The following THADA variants were observed in gnomAD, a reference collection of about 807,000 sequenced individuals.
The protein encoded by THADA is THADA armadillo repeat containing.
THADA carries 213 observed loss-of-function variants against 219.8 expected under a neutral mutation model. That is an observed-to-expected ratio of 0.97 (90% CI 0.87 to 1.09). The LOEUF (loss-of-function observed/expected upper bound fraction) is 1.09, where lower values mean the gene tolerates loss of function less well. Among genes scored for constraint, THADA ranks in the 50% least tolerant of loss-of-function variants. THADA has a pLI of 0.00. For synonymous variants in THADA, 1,018 were observed against 828.9 expected, an observed-to-expected ratio of 1.23 and a Z score of -3.92; for missense variants, 2,956 against 2,311.3, an observed-to-expected ratio of 1.28 and a Z score of -5.72.
chr2:43,426,746 C>T (rs1452131123), intron 28 of THADA, among the ~76,000 whole-genome samples: 1 of 152,124 alleles, frequency 6.6e-6, no homozygotes, highest in Non-Finnish European at 1.5e-5. Context: ...GGAAGTGAAA[C>T]CTAGGACACT....
At chr2:43,495,926 T>G (rs1688222700) in intron 25 of THADA, among the ~76,000 whole-genome samples, 1 of 152,206 alleles carries the variant, frequency 6.6e-6, no homozygotes, top group Admixed American at 6.5e-5. Context: ...GCAATGCTCT[T>G]AGACAGAATT....
chr2:43,582,374 G>A (rs79732325), intron 7 of THADA, among the ~76,000 whole-genome samples: 28,908 of 151,276 alleles, frequency 0.19, 2,862 homozygotes, highest in Middle Eastern at 0.25. Context: ...GCACATGCCC[G>A]TAATCCCAGC....
chr2:43,454,652 T>C (rs1311947174), intron 26 of THADA, among the ~76,000 whole-genome samples: 2 of 152,054 alleles, frequency 1.3e-5, no homozygotes, highest in African/African-American at 4.8e-5. Context: ...TACATGGTTA[T>C]GTTAAACAAT....
intron 17 of THADA, among the ~76,000 whole-genome samples, chr2:43,553,846 G>C (rs933537148): frequency 6.6e-6 from 1 of 152,148 alleles, no homozygotes; most frequent in East Asian, 1.9e-4. Context: ...CTGTGATTTT[G>C]ATTTGCATTT....
chr2:43,486,639 T>TA (rs1273411188), intron 25 of THADA: 1 of 152,278 alleles, frequency 6.6e-6, no homozygotes, highest in South Asian at 2.1e-4. Context: ...GCAATGCCCT[T>TA]AGAGTCACAA....
At chr2:43,507,007 T>C (rs1036876978) in intron 23 of THADA, among the ~76,000 whole-genome samples, 9 of 152,230 alleles carry the variant, frequency 5.9e-5, no homozygotes, top group African/African-American at 2.2e-4. Flanking sequence ...ATTGAAAATA[T>C]TTTTTAATCT....
chr2:43,278,803 C>A (rs868841309), intron 36 of THADA, among the ~76,000 whole-genome samples: 18 of 152,184 alleles, frequency 1.2e-4, no homozygotes, highest in Admixed American at 1.3e-4. Context: ...GCAAGCAGCC[C>A]CAGCCACAGT....
chr2:43,468,021 T>C (rs980593817), intron 26 of THADA, among the ~76,000 whole-genome samples: 5 of 152,338 alleles, frequency 3.3e-5, no homozygotes, highest in Non-Finnish European at 2.9e-5. Flanking sequence ...TAAAGCTTAA[T>C]TGCAAGGCTT....
At chr2:43,429,441 A>G (rs1337326414) in intron 27 of THADA, among the ~76,000 whole-genome samples, 1 of 152,068 alleles carries the variant, frequency 6.6e-6, no homozygotes, top group Non-Finnish European at 1.5e-5. Context: ...GAACTATAAG[A>G]CTGGAAAGCC....
chr2:43,373,489 T>A (rs1231263105), intron 29 of THADA, among the ~76,000 whole-genome samples: 2 of 152,128 alleles, frequency 1.3e-5, no homozygotes, highest in Non-Finnish European at 1.5e-5. Flanking sequence ...AACTTTTTTT[T>A]TTTTGAGACA....
At chr2:43,547,999 T>C (rs1324974647) in intron 20 of THADA, among the ~76,000 whole-genome samples, 2 of 152,168 alleles carry the variant, frequency 1.3e-5, no homozygotes, top group East Asian at 1.9e-4. Flanking sequence ...TGTGGTTTTA[T>C]CTACTTTTGG....
At chr2:43,533,682 T>G (rs1002351757) in intron 21 of THADA, among the ~76,000 whole-genome samples, 2 of 151,764 alleles carry the variant, frequency 1.3e-5, no homozygotes, top group African/African-American at 2.4e-5. Context: ...TAAGTGGGAG[T>G]TGAACAATGA....
intron 17 of THADA, among the ~76,000 whole-genome samples, chr2:43,554,549 A>C (rs1461365421): frequency 6.6e-6 from 1 of 152,210 alleles, no homozygotes; most frequent in Non-Finnish European, 1.5e-5. Context: ...ATGGCTTGTA[A>C]ACATGGGAAA....
chr2:43,403,956 G>C (rs1675197356), intron 28 of THADA, among the ~76,000 whole-genome samples: 1 of 152,216 alleles, frequency 6.6e-6, no homozygotes, highest in South Asian at 2.1e-4. Flanking sequence ...CCAAAGTTGA[G>C]ACAACCCTAT....
intron 26 of THADA, among the ~76,000 whole-genome samples, chr2:43,443,126 CAAG>C (rs1017841714): frequency 2.0e-5 from 3 of 152,120 alleles, no homozygotes; most frequent in African/African-American, 7.2e-5. Context: ...ACACTCTGCA[CAAG>C]AAGAAACCAT....
intron 22 of THADA, among the ~76,000 whole-genome samples, chr2:43,526,072 A>G (rs920890039): frequency 2.0e-5 from 3 of 152,228 alleles, no homozygotes; most frequent in African/African-American, 7.2e-5. Context: ...GTCTTCTTAA[A>G]TATCTATTTT....
chr2:43,277,765 C>T (rs1257332509), intron 36 of THADA, among the ~76,000 whole-genome samples: 1 of 152,086 alleles, frequency 6.6e-6, no homozygotes, highest in Admixed American at 6.6e-5. Context: ...AGTCAACCAC[C>T]GATTTGGGGA....
intron 21 of THADA, among the ~76,000 whole-genome samples, chr2:43,531,532 A>G (rs1279092000): frequency 6.6e-6 from 1 of 152,204 alleles, no homozygotes; most frequent in East Asian, 1.9e-4. Flanking sequence ...GTAGTCCATG[A>G]GCAGCTGAAC....
rs150719974 is a variant in THADA, at chr2:43,262,980, C to T, written c.5296+16785G>A. 1.2e-4 allele frequency among the ~76,000 whole-genome samples: 19 copies of T among 152,310 alleles called. No homozygotes were observed. The East Asian group carries it at 2.3e-3, about 19-fold the overall frequency. On this transcript the variant is annotated intron_variant, in intron 36 of 37. Coordinates refer to ENST00000405975, the MANE Select transcript of THADA (RefSeq NM_022065.5). ...CAATCATCTCCCACTTTCCTCCTTA[C>T]GCCTGTGATGGCTTCCATAGAGAGC...
Sources: allele counts gnomAD v4.1 joint callset (sites outside exome capture counted in the v4.1 genomes callset), GRCh38; gene constraint gnomAD v4.1.1; transcripts MANE v1.5; gene names NCBI Gene and HGNC (gene_info 2026-07-23, HGNC 2026-07-21).